The following ACBD6 variants were observed in gnomAD, a reference collection of about 807,000 sequenced individuals.
ACBD6 encodes the protein acyl-CoA-binding domain-containing protein 6.
A neutral mutation model predicts 37.2 loss-of-function variants in ACBD6; 28 were observed. The observed-to-expected ratio is 0.75, with a 90% CI of 0.56 to 1.03. The LOEUF is 1.03. Ranked by LOEUF, ACBD6 falls within the 50% of genes least tolerant of loss-of-function variation. The pLI, the probability that ACBD6 is intolerant of heterozygous loss-of-function variation, is 0.00. For missense variants in ACBD6, 340 were observed against 337.4 expected, an observed-to-expected ratio of 1.01 and a Z score of -0.06; for synonymous variants, 113 against 126.8, an observed-to-expected ratio of 0.89 and a Z score of 0.73.
intron 4 of ACBD6, among the ~76,000 whole-genome samples, chr1:180,420,476 T>C (rs1648311263): frequency 6.6e-6 from 1 of 152,154 alleles, no homozygotes; most frequent in African/African-American, 2.4e-5. Context: ...ATCCTTTCCA[T>C]AGAGTACCAT....
At chr1:180,364,299 T>A (rs890565626) in intron 6 of ACBD6, among the ~76,000 whole-genome samples, 6 of 152,208 alleles carry the variant, frequency 3.9e-5, no homozygotes, top group African/African-American at 1.4e-4. Context: ...AAGTTACAGC[T>A]CTACTCTGTT....
chr1:180,467,791 T>C (rs1032458150), intron 3 of ACBD6, among the ~76,000 whole-genome samples: 2 of 149,862 alleles, frequency 1.3e-5, no homozygotes, highest in Admixed American at 6.7e-5. Flanking sequence ...CTGTATGATA[T>C]ATCATTATTT....
At chr1:180,331,410 T>C (rs556673775) in intron 6 of ACBD6, among the ~76,000 whole-genome samples, 2 of 152,206 alleles carry the variant, frequency 1.3e-5, no homozygotes, top group Non-Finnish European at 2.9e-5. Flanking sequence ...ATGTAGTCAA[T>C]ATCCTAATAT....
chr1:180,433,591 T>C (rs1356018344), intron 3 of ACBD6, among the ~76,000 whole-genome samples: 1 of 135,816 alleles, frequency 7.4e-6, no homozygotes, highest in Non-Finnish European at 1.5e-5. Flanking sequence ...TGTGTGTGTG[T>C]GTGTGTGTGT....
intron 4 of ACBD6, among the ~76,000 whole-genome samples, chr1:180,425,223 C>CA (rs1288283306): frequency 6.6e-6 from 1 of 152,172 alleles, no homozygotes; most frequent in African/African-American, 2.4e-5. Context: ...GCACCAAAGA[C>CA]AAACCTTTGC....
chr1:180,349,211 C>T (rs534675319), intron 6 of ACBD6, among the ~76,000 whole-genome samples: 96 of 151,544 alleles, frequency 6.3e-4, no homozygotes, highest in Non-Finnish European at 1.2e-3. Context: ...CTAATCTTCT[C>T]TGTATCGTTC....
chr1:180,440,429 G>A (rs1029390598), intron 3 of ACBD6, among the ~76,000 whole-genome samples: 12 of 152,042 alleles, frequency 7.9e-5, no homozygotes, highest in Non-Finnish European at 8.8e-5. Flanking sequence ...TTTATTTCAC[G>A]TTTACTTCTT....
intron 3 of ACBD6, among the ~76,000 whole-genome samples, chr1:180,452,518 C>G (rs1231479788): frequency 6.6e-6 from 1 of 151,484 alleles, no homozygotes; most frequent in Non-Finnish European, 1.5e-5. Context: ...ACTAGAGAAG[C>G]AAGAGCAAAC....
intron 3 of ACBD6, among the ~76,000 whole-genome samples, chr1:180,488,329 T>C (rs1201455548): frequency 6.6e-6 from 1 of 152,192 alleles, no homozygotes; most frequent in Non-Finnish European, 1.5e-5. Flanking sequence ...TGAGATAAGA[T>C]GAAACACATA....
At chr1:180,481,040 A>C (rs1183216120) in intron 3 of ACBD6, among the ~76,000 whole-genome samples, 3 of 151,698 alleles carry the variant, frequency 2.0e-5, no homozygotes, top group African/African-American at 4.8e-5. Flanking sequence ...AAAAAAAAAA[A>C]CAAAAAAAAA....
intron 6 of ACBD6, 55 bp from the exon 7 acceptor site, chr1:180,314,777 A>G: frequency 7.6e-7 from 1 of 1,324,436 alleles, no homozygotes; most frequent in East Asian, 2.3e-5. Flanking sequence ...CAAAAGTATG[A>G]AAGTACATAA....
chr1:180,452,358 T>C (rs1037751570), intron 3 of ACBD6, among the ~76,000 whole-genome samples: 1 of 152,038 alleles, frequency 6.6e-6, no homozygotes, highest in Non-Finnish European at 1.5e-5. Context: ...TAGTCCCAGC[T>C]ACTCGGGAGG....
Position 180,424,901 on chromosome 1 carries a change from C to T in ACBD6, c.467+5279G>A, listed in dbSNP as rs180934250. Among the ~76,000 whole-genome samples, 9 of 152,218 alleles carry T rather than the reference C, an allele frequency of 5.9e-5. No individual in the cohort carries two copies. In the East Asian group the frequency reaches 1.2e-3, roughly 20 times the overall value. ...GAGCACACAGGAGGTAAATGAAGCA[C>T]GCTAGAAAAGGGTGAATATGAGAGC... On this transcript the variant is annotated intron_variant, in intron 4 of 7. Coordinates refer to ENST00000367595, the MANE Select transcript of ACBD6 (RefSeq NM_032360.4).
chr1:180,352,587 TG>T (rs1652460745), intron 6 of ACBD6, among the ~76,000 whole-genome samples: 2 of 152,122 alleles, frequency 1.3e-5, no homozygotes, highest in African/African-American at 2.4e-5. Context: ...AAAAAGCAGA[TG>T]GCATTTGAGA....
At chr1:180,447,369 T>G (rs984966729) in intron 3 of ACBD6, among the ~76,000 whole-genome samples, 1 of 152,210 alleles carries the variant, frequency 6.6e-6, no homozygotes, top group Non-Finnish European at 1.5e-5. Context: ...GATTCTCTTA[T>G]AGTCCACCAA....
intron 9 of ACBD6, among the ~76,000 whole-genome samples, chr1:180,280,147 CT>C (rs1649263309): frequency 6.6e-6 from 1 of 152,178 alleles, no homozygotes; most frequent in Non-Finnish European, 1.5e-5. Flanking sequence ...GCAGATGGCT[CT>C]ACTGGACGGT....
At position 180,314,725 on chromosome 1, in the gene ACBD6, A is replaced by G. The variant is rs778816777; in HGVS notation, c.664-3T>C. ...AGAGCTGTTTGGCCTTCATTGTCCT[A>G]TAAAAGAAACAAATAATACATTTTA... is the stretch of plus-strand genomic sequence containing the variant. On this transcript the variant is annotated splice_polypyrimidine_tract_variant and splice_region_variant and intron_variant, in intron 6 of 7. Coordinates refer to ENST00000367595, the MANE Select transcript of ACBD6 (RefSeq NM_032360.4). The G allele has an allele frequency of 6.5e-7, 1 of 1,531,432 alleles. No individual in the cohort carries two copies. Among genetic ancestry groups the G allele is most frequent in the South Asian group, 1.1e-5 (1 of 89,360 alleles). 94.9% of individuals were successfully genotyped at this position (1,531,432 alleles called of 1,614,324 possible).
chr1:180,404,132 G>T (rs1016449395), intron 5 of ACBD6, among the ~76,000 whole-genome samples: 1 of 151,992 alleles, frequency 6.6e-6, no homozygotes, highest in Admixed American at 6.6e-5. Context: ...TGTATTTTCA[G>T]TAGAAACGGG....
chr1:180,439,919 T>G (rs976121211), intron 3 of ACBD6, among the ~76,000 whole-genome samples: 2 of 152,218 alleles, frequency 1.3e-5, no homozygotes, highest in African/African-American at 4.8e-5. Context: ...AAAGAGATTT[T>G]AAAATTTAAA....
Sources: allele counts gnomAD v4.1 joint callset (sites outside exome capture counted in the v4.1 genomes callset), GRCh38; gene constraint gnomAD v4.1.1; transcripts MANE v1.5; gene names NCBI Gene and HGNC (gene_info 2026-07-23, HGNC 2026-07-21).